ZNF608: variants seen among roughly 807,000 people sequenced by gnomAD.
The protein encoded by ZNF608 is renal carcinoma antigen NY-REN-36.
A neutral mutation model predicts 109.0 loss-of-function variants in ZNF608; 12 were observed. The ratio of observed to expected loss-of-function variants is 0.11; its 90% CI spans 0.07 to 0.18. The LOEUF is 0.18. Ranked by LOEUF, ZNF608 falls within the 10% of genes least tolerant of loss-of-function variation. The pLI, the probability that ZNF608 is intolerant of heterozygous loss-of-function variation, is 1.00. For synonymous variants in ZNF608, 732 were observed against 717.4 expected (o/e 1.02, Z -0.33); for missense variants, 1,707 against 1,879.3 (o/e 0.91, Z 1.70).
intron 8 of ZNF608, among the ~76,000 whole-genome samples, chr5:124,639,919 C>T (rs910986166): frequency 1.3e-5 from 2 of 152,110 alleles, no homozygotes; most frequent in African/African-American, 4.8e-5. Flanking sequence ...AGTACAATAA[C>T]AATAATATTA....
chr5:124,727,363 T>C (rs1282044944), intron 2 of ZNF608, among the ~76,000 whole-genome samples: 2 of 152,328 alleles, frequency 1.3e-5, no homozygotes, highest in African/African-American at 2.4e-5. Flanking sequence ...GGGATTCCAG[T>C]TGGTCTTGAC....
intron 3 of ZNF608, among the ~76,000 whole-genome samples, chr5:124,694,728 AC>A (rs1450079981): frequency 1.8e-5 from 1 of 55,478 alleles, no homozygotes; most frequent in Non-Finnish European, 3.7e-5. Context: ...CCCCTCCCCC[AC>A]CCCATGACAG....
At position 124,733,199 on chromosome 5, in the gene ZNF608, TTC is replaced by T. The variant is rs1221062446; in HGVS notation, c.906+10883_906+10884del. ...GTTTGCTCTCCAATTAAACCATTCA[TTC>T]TCTCTATCTCTCTCTCTTTTTTTTT... On this transcript the variant is annotated intron_variant, in intron 2 of 9. Transcript: ENST00000513986. 2.0e-5 allele frequency among the ~76,000 whole-genome samples: 3 copies of T among 151,092 alleles called. 1 individual carries two copies. The highest frequency in any genetic ancestry group is 2.0e-4 in the Admixed American group (3 of 15,186).
intron 2 of ZNF608, among the ~76,000 whole-genome samples, chr5:124,740,036 G>A (rs1236518253): frequency 6.6e-6 from 1 of 152,070 alleles, no homozygotes; most frequent in African/African-American, 2.4e-5. Context: ...ACGACATTTG[G>A]ACTATCAATC....
intron 1 of ZNF608, chr5:124,745,460 A>C: frequency 6.5e-6 from 1 of 153,888 alleles, no homozygotes; most frequent in Admixed American, 6.5e-5. Context: ...ATCTGATTCA[A>C]GTCCAGAAAG....
intron 3 of ZNF608, among the ~76,000 whole-genome samples, chr5:124,680,060 G>T (rs930923037): frequency 1.3e-5 from 2 of 152,076 alleles, no homozygotes; most frequent in Non-Finnish European, 2.9e-5. Context: ...GGGTTAGGGG[G>T]ACTCTGGCCA....
At chr5:124,715,134 G>A (rs955936966) in intron 2 of ZNF608, among the ~76,000 whole-genome samples, 5 of 152,066 alleles carry the variant, frequency 3.3e-5, no homozygotes, top group African/African-American at 1.2e-4. Flanking sequence ...TATTTTATAG[G>A]GGTACTTCAA....
chr5:124,694,659 C>T (rs548035093), intron 3 of ZNF608, among the ~76,000 whole-genome samples: 4 of 152,072 alleles, frequency 2.6e-5, no homozygotes, highest in South Asian at 2.1e-4. Context: ...GCCATGTTGG[C>T]GTGCTGCACC....
chr5:124,705,569 A>G (rs1457698801), intron 2 of ZNF608, among the ~76,000 whole-genome samples: 1 of 152,156 alleles, frequency 6.6e-6, no homozygotes, highest in Non-Finnish European at 1.5e-5. Flanking sequence ...AACCTTCCAA[A>G]GCTCCTTTTT....
chr5:124,675,451 C>G (rs545798382), intron 3 of ZNF608, among the ~76,000 whole-genome samples: 55 of 152,206 alleles, frequency 3.6e-4, no homozygotes, highest in Non-Finnish European at 6.5e-4. Flanking sequence ...TCCACATTCC[C>G]TTCACAAACA....
rs765334598 is a variant in ZNF608 at position 124,637,861 on chromosome 5, T to G, written c.*39A>C. 6 of 1,602,124 alleles carry G rather than the reference T, an allele frequency of 3.7e-6. No homozygotes were observed. In the African/African-American group the frequency reaches 6.7e-5, roughly 18 times the overall value. On this transcript the variant is annotated 3_prime_UTR_variant, in exon 10 of 10. Transcript: ENST00000513986. ...GATGTCTGTATAAAGCGCTTCCCCA[T>G]GTGATCCAGTCACATGACAATGTAC...
At chr5:124,735,731 G>A (rs947151601) in intron 2 of ZNF608, among the ~76,000 whole-genome samples, 1 of 152,218 alleles carries the variant, frequency 6.6e-6, no homozygotes, top group Non-Finnish European at 1.5e-5. Context: ...AAAGATTTGG[G>A]CAGGGAATGT....
chr5:124,646,240 A>G (rs1033235577), intron 5 of ZNF608, among the ~76,000 whole-genome samples: 1 of 152,198 alleles, frequency 6.6e-6, no homozygotes, highest in South Asian at 2.1e-4. Flanking sequence ...ACGTGCCTGT[A>G]GTCCCAGCTA....
At chr5:124,640,321 G>A (rs1001123971) in intron 8 of ZNF608, among the ~76,000 whole-genome samples, 3 of 152,150 alleles carry the variant, frequency 2.0e-5, no homozygotes, top group African/African-American at 7.2e-5. Context: ...GGTAATTAAG[G>A]TTAAATCAGG....
Position 124,647,853 on chromosome 5 carries a change from C to G in ZNF608, c.2531G>C (p.Gly844Ala), listed in dbSNP as rs765000287. ...ATGCCCAGGTAAATCTTTGCTGGCCCCCTTGGAGTCCTCTAGTTTCCCCAG... is the reference window on the plus strand; with the variant it reads ...ATGCCCAGGTAAATCTTTGCTGGCCGCCTTGGAGTCCTCTAGTTTCCCCAG... ...AKLGKLEDSK[G>A]ASKDLPGHFL... The change falls in exon 5 of 10, where the codon GGG becomes GCG. Residue 844 changes from glycine to alanine, a missense_variant. Gly to Ala is a moderately conservative substitution (Grantham distance 60, BLOSUM62 0). Around this residue, in one of 7 missense-constraint regions of ZNF608, gnomAD observed 1,073 missense variants for 1,133.5 expected, o/e 0.95. Transcript: ENST00000513986. The G allele has an allele frequency of 5.6e-6, 9 of 1,614,066 alleles. No individual in the cohort carries two copies. In the East Asian group the frequency reaches 2.0e-4, roughly 36 times the overall value.
Position 124,646,808 on chromosome 5 carries a change from C to T in ZNF608, c.3576G>A (p.Gln1192=). The T allele has an allele frequency of 6.2e-7, 1 of 1,614,254 alleles. No individual in the cohort carries two copies. Among genetic ancestry groups the T allele is most frequent in the Middle Eastern group, 1.6e-4 (1 of 6,062 alleles). ...TAGCTTTGAAGCTGTCGGCCTGAAG[C>T]TGCTGCTGGTGATTGGAGAGAAGCT... ...KSQLLSNHQQ[Q]LQADSFKAKQ... is the part of the protein sequence containing the mutation. The change falls in exon 5 of 10, where the codon CAG becomes CAA. Residue 1192 remains glutamine, a synonymous_variant. Transcript: ENST00000513986.
intron 2 of ZNF608, among the ~76,000 whole-genome samples, chr5:124,731,805 G>A (rs1241958490): frequency 2.0e-5 from 3 of 152,018 alleles, no homozygotes; most frequent in Non-Finnish European, 2.9e-5. Flanking sequence ...CAGCCTGGGC[G>A]ACAAAGCAAG....
At chr5:124,734,336 C>A (rs974381894) in intron 2 of ZNF608, among the ~76,000 whole-genome samples, 11 of 152,114 alleles carry the variant, frequency 7.2e-5, no homozygotes, top group African/African-American at 2.4e-4. Context: ...CTTAACTTGA[C>A]ATTCTCAGCA....
chr5:124,729,795 C>T (rs1224448969), intron 2 of ZNF608, among the ~76,000 whole-genome samples: 30 of 152,274 alleles, frequency 2.0e-4, no homozygotes, highest in Non-Finnish European at 2.9e-5. Context: ...ACAATTAAAC[C>T]TAACCATCTG....
Sources: gnomAD v4.1 joint callset for allele counts (sites outside exome capture counted in the v4.1 genomes callset) on GRCh38, gnomAD v4.1.1 for gene constraint, gnomAD v4.1.1 regional missense constraint, MANE v1.5 for transcripts, NCBI Gene and HGNC (gene_info 2026-07-23, HGNC 2026-07-21) for gene names.